The following PI4KA variants were observed in gnomAD, a reference collection of about 807,000 sequenced individuals.
PI4KA encodes the protein phosphatidylinositol 4-kinase alpha.
PI4KA carries 122 observed loss-of-function variants against 271.4 expected under a neutral mutation model. That is an observed-to-expected ratio of 0.45 (90% CI 0.39 to 0.52). The LOEUF is 0.52. Ranked by LOEUF, PI4KA falls within the 20% of genes least tolerant of loss-of-function variation. PI4KA has a pLI of 0.00. For missense variants in PI4KA, 1,969 were observed against 2,769.1 expected (o/e 0.71, Z 6.48); for synonymous variants, 1,041 against 1,078.8 (o/e 0.96, Z 0.69).
chr22:20,762,503 G>GT (rs1340718439), intron 22 of PI4KA, among the ~76,000 whole-genome samples: 1 of 152,174 alleles, frequency 6.6e-6, no homozygotes, highest in African/African-American at 2.4e-5. Flanking sequence ...GCTGCTATGG[G>GT]CTGCGTCTTA....
Position 20,807,422 on chromosome 22 carries a change from T to G in PI4KA, c.1108A>C (p.Ser370Arg), listed in dbSNP as rs1219445551. 1 of 1,613,356 alleles carries G rather than the reference T, an allele frequency of 6.2e-7. No homozygotes were observed. Among genetic ancestry groups the G allele is most frequent in the East Asian group, 2.2e-5 (1 of 44,870 alleles). ...AACATGGTCAGGTAGAGAGGGTCACTGAAGGAAGTGTAGTAGAGATCAGCA... is the reference window on the plus strand; with the variant it reads ...AACATGGTCAGGTAGAGAGGGTCACGGAAGGAAGTGTAGTAGAGATCAGCA... The part of the protein sequence containing the change: ...PSADLYYTSF[S>R]DPLYLTMFKM... Residue 370 changes from serine to arginine, a missense_variant, in exon 10 of 55, where the codon AGT becomes CGT. Transcript: ENST00000255882.
At position 20,765,246 on chromosome 22, in the gene PI4KA, AGT is replaced by A. The variant is rs776965011; in HGVS notation, c.2438-12_2438-11del. On this transcript the variant is annotated splice_polypyrimidine_tract_variant and intron_variant, in intron 20 of 54. Transcript: ENST00000255882. Reference sequence around the variant, plus strand: ...TCTTCTGGCCAGAGTCCTGCAATAAAGTGAACATAAATGAGGAAATCACCTTG... The same window carrying A: ...TCTTCTGGCCAGAGTCCTGCAATAAAGAACATAAATGAGGAAATCACCTTG... The A allele has an allele frequency of 7.5e-6, 12 of 1,597,142 alleles. No homozygotes were observed. The South Asian group carries it at 1.3e-4, about 18-fold the overall frequency.
Position 20,796,145 on chromosome 22 carries a change from C to A in PI4KA, c.2277+1G>T. 1 of 1,611,458 alleles carries A rather than the reference C, an allele frequency of 6.2e-7. No individual in the cohort carries two copies. Among genetic ancestry groups the A allele is most frequent in the Non-Finnish European group, 8.5e-7 (1 of 1,177,814 alleles). Reference sequence around the variant, plus strand: ...GAAGGCATAGCCATCCTCCTTCCTACCTTTAGGGCAGGGCCCTTCTCGCTT... The same window carrying A: ...GAAGGCATAGCCATCCTCCTTCCTAACTTTAGGGCAGGGCCCTTCTCGCTT... On this transcript the variant is annotated splice_donor_variant, in intron 18 of 54. Coordinates refer to ENST00000255882, the MANE Select transcript of PI4KA (RefSeq NM_058004.4). LOFTEE classifies it high-confidence loss of function.
At chr22:20,766,601 G>A (rs1601440252) in intron 19 of PI4KA, among the ~76,000 whole-genome samples, 1 of 151,802 alleles carries the variant, frequency 6.6e-6, no homozygotes, top group East Asian at 1.9e-4. Flanking sequence ...GGAGACAGAG[G>A]TTGCAGTGAG....
At chr22:20,767,401 G>A (rs146467924) in intron 19 of PI4KA, among the ~76,000 whole-genome samples, 1,854 of 151,674 alleles carry the variant, frequency 0.012, 18 homozygotes, top group Admixed American at 0.019. Context: ...CCAAGATGGC[G>A]CTACTGCACT....
chr22:20,741,406 C>T (rs1259063674), intron 32 of PI4KA, among the ~76,000 whole-genome samples: 4 of 152,176 alleles, frequency 2.6e-5, no homozygotes, highest in Admixed American at 6.5e-5. Flanking sequence ...TGGGAGCAGG[C>T]TGGTCAGGCT....
chr22:20,795,614 C>T (rs1934935151), intron 18 of PI4KA, among the ~76,000 whole-genome samples: 1 of 152,126 alleles, frequency 6.6e-6, no homozygotes, highest in Non-Finnish European at 1.5e-5. Flanking sequence ...CGACTAGTGC[C>T]CACGTGACAT....
chr22:20,727,408 G>A lies in PI4KA; in HGVS notation c.4774-11C>T, dbSNP rs757418050. ...CCAGGTGACCAGGAACTGCAGAGAA[G>A]GTGGGGAGATGCTGTGGCTTGGGCA... On this transcript the variant is annotated splice_polypyrimidine_tract_variant and intron_variant, in intron 40 of 54. Coordinates refer to ENST00000255882, the MANE Select transcript of PI4KA (RefSeq NM_058004.4). 1.9e-6 allele frequency: 3 copies of A among 1,593,422 alleles called. No individual in the cohort carries two copies. The Admixed American group carries it at 5.4e-5, about 29-fold the overall frequency.
intron 19 of PI4KA, chr22:20,783,920 G>C: frequency 6.2e-7 from 1 of 1,613,006 alleles, no homozygotes; most frequent in South Asian, 1.1e-5. Flanking sequence ...AGGGTGAGAC[G>C]ATTTCCCTAA....
chr22:20,793,302 A>T, intron 18 of PI4KA, 59 bp from the exon 19 acceptor site: 1 of 955,586 alleles, frequency 1.0e-6, no homozygotes, highest in Non-Finnish European at 1.7e-6. Context: ...TTAAAAAAAA[A>T]AAACACAAGA....
At chr22:20,809,301 T>C (rs1277736894) in intron 9 of PI4KA, among the ~76,000 whole-genome samples, 2 of 152,082 alleles carry the variant, frequency 1.3e-5, no homozygotes, top group Non-Finnish European at 2.9e-5. Flanking sequence ...CTGGGGATTG[T>C]TGTGAGATTC....
At chr22:20,767,965 T>TTATTA (rs1027984463) in intron 19 of PI4KA, among the ~76,000 whole-genome samples, 2 of 146,380 alleles carry the variant, frequency 1.4e-5, no homozygotes, top group Admixed American at 6.8e-5. Flanking sequence ...ATTATTATTA[T>TTATTA]TATTATTATT....
intron 45 of PI4KA, among the ~76,000 whole-genome samples, chr22:20,717,459 C>G (rs1457434432): frequency 2.0e-5 from 3 of 152,284 alleles, no homozygotes; most frequent in Admixed American, 2.0e-4. Flanking sequence ...CTGTCAGCCT[C>G]CAGAAAAACA....
chr22:20,721,198 T>C (rs994272516), intron 43 of PI4KA, 100 bp downstream of exon 43: 1 of 1,274,972 alleles, frequency 7.8e-7, no homozygotes, highest in African/African-American at 1.5e-5. Context: ...GTCGGTGAGC[T>C]GGGGCAGTGC....
chr22:20,814,811 G>A (rs1322686325), intron 7 of PI4KA, among the ~76,000 whole-genome samples: 1 of 148,296 alleles, frequency 6.7e-6, no homozygotes, highest in African/African-American at 2.5e-5. Context: ...AAAAAAAAAA[G>A]AAGGAAAAAA....
intron 19 of PI4KA, among the ~76,000 whole-genome samples, chr22:20,788,430 C>T (rs1185843437): frequency 6.6e-6 from 1 of 152,142 alleles, no homozygotes; most frequent in East Asian, 1.9e-4. Flanking sequence ...ACAGAGTCTC[C>T]TTACCCTCAA....
At chr22:20,719,186 G>A (rs939645537) in intron 43 of PI4KA, among the ~76,000 whole-genome samples, 1 of 152,034 alleles carries the variant, frequency 6.6e-6, no homozygotes, top group African/African-American at 2.4e-5. Flanking sequence ...TGTCATTTAT[G>A]AATGTCACAG....
At position 20,763,040 on chromosome 22, in the gene PI4KA, A is replaced by G. The variant is rs375211633; in HGVS notation, c.2709-1654T>C. Among the ~76,000 whole-genome samples, 84 of 132,730 alleles carry G rather than the reference A, an allele frequency of 6.3e-4. 1 individual carries two copies. The highest frequency in any genetic ancestry group is 6.0e-3 in the South Asian group (24 of 3,970). 87.1% of individuals were successfully genotyped at this position (132,730 alleles called of 152,430 possible). A position where few individuals can be genotyped will look rare whatever the true frequency, so the allele number is the denominator to read the frequency against. ...TTTGGGGGGGGGGGGGGTTAGAGAC[A>G]AGTTCTTGCTCTGTTGCAGAAGCTC... On this transcript the variant is annotated intron_variant, in intron 22 of 54. Transcript: ENST00000255882.
intron 1 of PI4KA, among the ~76,000 whole-genome samples, chr22:20,856,174 T>C (rs992318625): frequency 6.6e-6 from 1 of 151,882 alleles, no homozygotes; most frequent in Non-Finnish European, 1.5e-5. Flanking sequence ...TTGCCCGGGG[T>C]GGTGGCACAC....
Sources: allele counts gnomAD v4.1 joint callset (sites outside exome capture counted in the v4.1 genomes callset), GRCh38; gene constraint gnomAD v4.1.1; transcripts MANE v1.5; gene names NCBI Gene and HGNC (gene_info 2026-07-23, HGNC 2026-07-21).